Variants in ZIM2 observed in about 807,000 individuals in gnomAD.
ZIM2 encodes zinc finger protein 656.
Under a neutral mutation model 38.6 loss-of-function variants are expected in ZIM2, and 14 were observed. The ratio of observed to expected loss-of-function variants is 0.36; its 90% CI spans 0.24 to 0.57. ZIM2 has a LOEUF of 0.57. ZIM2 is among the 20% of genes least tolerant of loss of function. The pLI is 0.81. For missense variants in ZIM2, 680 were observed against 695.1 expected, an observed-to-expected ratio of 0.98 and a Z score of 0.24; for synonymous variants, 247 against 245.8, an observed-to-expected ratio of 1.00 and a Z score of -0.04.
At chr19:56,803,989 T>C (rs1325672172) in intron 9 of ZIM2, among the ~76,000 whole-genome samples, 6 of 152,216 alleles carry the variant, frequency 3.9e-5, no homozygotes, top group African/African-American at 1.4e-4. Context: ...CCCACTTTGG[T>C]GAAGAAATCC....
Position 56,840,660 on chromosome 19 carries a change from AC to A in ZIM2, c.-393del, listed in dbSNP as rs1424147133. The A allele has an allele frequency of 6.5e-6, 1 of 152,968 alleles. No individual in the cohort carries two copies. The highest frequency in any genetic ancestry group is 1.5e-5 in the Non-Finnish European group (1 of 68,692). The allele number at this position is 152,968 out of a possible 1,614,324, so 9.5% of individuals were successfully genotyped here. On this transcript the variant is annotated 5_prime_UTR_variant, in exon 1 of 13. It introduces an in-frame stop codon into an upstream open reading frame of the 5' UTR. Coordinates refer to ENST00000629319, the MANE Select transcript of ZIM2 (RefSeq NM_001387356.1). ...ATGGCGCCCGGCGCCCGGCGGCGCCACCAGCCCAGGGTGGACATCTCCCGCG... is the reference window on the plus strand; with the variant it reads ...ATGGCGCCCGGCGCCCGGCGGCGCCACAGCCCAGGGTGGACATCTCCCGCG...
intron 9 of ZIM2, chr19:56,799,245 A>T (rs1202678015): frequency 3.3e-5 from 5 of 152,240 alleles, no homozygotes; most frequent in African/African-American, 7.2e-5. Context: ...TGGTACGTAT[A>T]CACCAAGGAA....
In ZIM2 at chr19:56,775,450, G is replaced by A. The variant is rs766449205; in HGVS notation, c.915C>T (p.Pro305=). The A allele has an allele frequency of 9.9e-6, 16 of 1,613,948 alleles. No individual in the cohort carries two copies. The South Asian group carries it at 1.6e-4, about 17-fold the overall frequency. ...KLLTPITMND[P]KTLTPERSYG... ...AGCTTCTTTCCGGAGTGAGGGTCTT[G>A]GGGTCATTCATTGTTATAGGAGTCA... The change falls in exon 13 of 13, where the codon CCC becomes CCT. Residue 305 remains proline, a synonymous_variant. Coordinates refer to ENST00000629319, the MANE Select transcript of ZIM2 (RefSeq NM_001387356.1).
rs150050916 is a variant in ZIM2 at position 56,778,335 on chromosome 19, G to A, written c.835+1042C>T. ...AAGAAGACAATGAAAGAAACAGAGAGGAGTCTTCCTGGTAACTTCTTGAAT... is the reference window on the plus strand; with the variant it reads ...AAGAAGACAATGAAAGAAACAGAGAAGAGTCTTCCTGGTAACTTCTTGAAT... On this transcript the variant is annotated intron_variant, in intron 12 of 12. Coordinates refer to ENST00000629319, the MANE Select transcript of ZIM2 (RefSeq NM_001387356.1). Among the ~76,000 whole-genome samples, 594 of 152,252 alleles carry A rather than the reference G, an allele frequency of 3.9e-3. 5 individuals carry two copies. The highest frequency in any genetic ancestry group is 0.024 in the Middle Eastern group (7 of 290).
At chr19:56,812,549 C>A in intron 9 of ZIM2, 1 of 985,684 alleles carries the variant, frequency 1.0e-6, no homozygotes, top group Non-Finnish European at 1.2e-6. Context: ...TGACTTGTGG[C>A]AGCATAAGCT....
At chr19:56,816,887 C>A in intron 9 of ZIM2, 1 of 1,614,090 alleles carries the variant, frequency 6.2e-7, no homozygotes, top group Non-Finnish European at 8.5e-7. Flanking sequence ...TCAGCCAAGG[C>A]GGCACTCTTA....
intron 7 of ZIM2, among the ~76,000 whole-genome samples, chr19:56,820,705 A>C (rs1368705781): frequency 6.6e-6 from 1 of 152,002 alleles, no homozygotes; most frequent in Non-Finnish European, 1.5e-5. Flanking sequence ...TTAACTCTCT[A>C]TTTTTCCTTG....
At chr19:56,801,548 G>A (rs1236043762) in intron 9 of ZIM2, among the ~76,000 whole-genome samples, 1 of 152,184 alleles carries the variant, frequency 6.6e-6, no homozygotes, top group Non-Finnish European at 1.5e-5. Context: ...ACTAAGGGAA[G>A]ATCCTGAGGG....
chr19:56,777,290 C>T (rs897621489), intron 12 of ZIM2, among the ~76,000 whole-genome samples: 3 of 152,200 alleles, frequency 2.0e-5, no homozygotes, highest in Non-Finnish European at 4.4e-5. Flanking sequence ...AGAGAACACT[C>T]AAGAACGGAA....
Position 56,774,682 on chromosome 19 carries a change from G to C in ZIM2, c.*6C>G, listed in dbSNP as rs902427869. The stretch of plus-strand genomic sequence containing the variant: ...GAGAAAAGTGTGTGCTGTGACTAAA[G>C]GTTTCTCAACAGTGATCGCACTCAA... On this transcript the variant is annotated 3_prime_UTR_variant, in exon 13 of 13. Transcript: ENST00000629319. 29 of 1,612,462 alleles carry C rather than the reference G, an allele frequency of 1.8e-5. No homozygotes were observed. In the Admixed American group the frequency reaches 3.3e-4, roughly 19 times the overall value.
intron 9 of ZIM2, among the ~76,000 whole-genome samples, chr19:56,801,178 C>T (rs2047508158): frequency 6.6e-6 from 1 of 152,046 alleles, no homozygotes; most frequent in Non-Finnish European, 1.5e-5. Context: ...CCTCGTGATC[C>T]ACCTGCCTCG....
At chr19:56,838,581 A>T (rs2062496264) in intron 1 of ZIM2, among the ~76,000 whole-genome samples, 1 of 152,226 alleles carries the variant, frequency 6.6e-6, no homozygotes, top group South Asian at 2.1e-4. Flanking sequence ...TTGGTCAGGC[A>T]ACAACAGGGG....
chr19:56,806,757 C>A (rs931768051), intron 9 of ZIM2, among the ~76,000 whole-genome samples: 8 of 152,128 alleles, frequency 5.3e-5, no homozygotes, highest in Non-Finnish European at 1.0e-4. Context: ...GTCATGAGGG[C>A]TAAGCCCTCA....
chr19:56,776,977 T>G (rs1018721442), intron 12 of ZIM2, among the ~76,000 whole-genome samples: 2 of 152,212 alleles, frequency 1.3e-5, no homozygotes, highest in Admixed American at 6.5e-5. Context: ...TGGGAGGAAC[T>G]TCAGTGTTTT....
In ZIM2 at chr19:56,782,072, A is replaced by C; in HGVS notation, c.620T>G (p.Val207Gly). The C allele has an allele frequency of 6.2e-7, 1 of 1,614,036 alleles. No homozygotes were observed. Among genetic ancestry groups the C allele is most frequent in the Non-Finnish European group, 8.5e-7 (1 of 1,179,914 alleles). The change falls in exon 11 of 13, where the codon GTG (valine) becomes GGG (glycine). Residue 207 changes from valine to glycine, a missense_variant. Transcript: ENST00000629319. The stretch of plus-strand genomic sequence containing the variant: ...GTCCACAAGCACATCCTCGAAGGTC[A>C]CCAACTCCTCAAACACCAGAAATGT... ...LGTFLVFEEL[V>G]TFEDVLVDFS...
chr19:56,838,401 G>A (rs2062457455), intron 1 of ZIM2, among the ~76,000 whole-genome samples: 2 of 152,184 alleles, frequency 1.3e-5, no homozygotes, highest in Non-Finnish European at 2.9e-5. Flanking sequence ...AGGCGGTGAG[G>A]GGCAGTGGAG....
At chr19:56,778,011 T>C (rs541072603) in intron 12 of ZIM2, among the ~76,000 whole-genome samples, 35 of 152,142 alleles carry the variant, frequency 2.3e-4, no homozygotes, top group Non-Finnish European at 4.4e-4. Context: ...TTCCTCAAGA[T>C]TTCTACATTG....
chr19:56,804,764 T>A (rs138411192), intron 9 of ZIM2, among the ~76,000 whole-genome samples: 1 of 152,204 alleles, frequency 6.6e-6, no homozygotes, highest in Non-Finnish European at 1.5e-5. Flanking sequence ...ATTTGTAAAA[T>A]AGGCATGTTC....
chr19:56,811,313 A>G (rs1454904278), intron 9 of ZIM2: 3 of 909,382 alleles, frequency 3.3e-6, no homozygotes, highest in Non-Finnish European at 3.9e-6. Context: ...GTTATAATGA[A>G]CTGTTTAAAT....
Sources: gnomAD v4.1 joint callset for allele counts (sites outside exome capture counted in the v4.1 genomes callset) on GRCh38, gnomAD v4.1.1 for gene constraint, MANE v1.5 for transcripts, NCBI Gene and HGNC (gene_info 2026-07-23, HGNC 2026-07-21) for gene names.